The following HERC5 variants were observed in gnomAD, a reference collection of about 807,000 sequenced individuals.
The protein encoded by HERC5 is E3 ISG15--protein ligase HERC5.
Under a neutral mutation model 119.6 loss-of-function variants are expected in HERC5, and 99 were observed. That is an observed-to-expected ratio of 0.83 (90% confidence interval 0.70 to 0.98). The LOEUF (loss-of-function observed/expected upper bound fraction) is 0.98, where lower values mean the gene tolerates loss of function less well. HERC5 is among the 50% of genes least tolerant of loss of function. The pLI is 0.00. For missense variants in HERC5, 1,267 were observed against 1,241.3 expected (o/e 1.02, Z -0.31); for synonymous variants, 478 against 445.9 (o/e 1.07, Z -0.91).
chr4:88,498,976 A>G (rs1741876525), intron 18 of HERC5, among the ~76,000 whole-genome samples: 1 of 152,242 alleles, frequency 6.6e-6, no homozygotes, highest in Non-Finnish European at 1.5e-5. Flanking sequence ...CACAATGAAT[A>G]AAACATGGTC....
chr4:88,472,635 T>C (rs941003730), intron 11 of HERC5, 133 bp downstream of exon 11: 27 of 677,142 alleles, frequency 4.0e-5, no homozygotes, highest in Non-Finnish European at 6.3e-5. Flanking sequence ...TAAGTTAAAC[T>C]CAGATAACAT....
chr4:88,459,456 C>A lies in HERC5; in HGVS notation c.375C>A (p.Ser125Arg). 6.4e-7 allele frequency: 1 copy of A among 1,553,884 alleles called. No homozygotes were observed. Among genetic ancestry groups the A allele is most frequent in the Non-Finnish European group, 8.7e-7 (1 of 1,153,396 alleles). Residue 125 changes from serine to arginine, a missense_variant, in exon 2 of 23, where the codon AGC becomes AGA. Transcript: ENST00000264350. Reference protein sequence around the residue: ...DGKPFEYDNYSMKHLRFESIL... With the variant: ...DGKPFEYDNYRMKHLRFESIL... The stretch of plus-strand genomic sequence containing the variant: ...AACCATTTGAGTATGACAACTATAG[C>A]ATGAAACATCTAAGGTAGGGAACTT...
intron 3 of HERC5, 53 bp from the exon 4 acceptor site, chr4:88,462,082 T>C (rs756309773): frequency 1.4e-6 from 2 of 1,442,380 alleles, no homozygotes; most frequent in Non-Finnish European, 1.9e-6. Context: ...TTTAGGGTAA[T>C]GTCTGCTGCA....
chr4:88,498,158 G>A (rs1399448941), intron 18 of HERC5, among the ~76,000 whole-genome samples: 1 of 152,170 alleles, frequency 6.6e-6, no homozygotes, highest in Admixed American at 6.5e-5. Flanking sequence ...GGTCCAGGCA[G>A]AGAACTGGCA....
intron 4 of HERC5, among the ~76,000 whole-genome samples, chr4:88,462,739 A>C (rs1740492940): frequency 6.6e-6 from 1 of 152,230 alleles, no homozygotes; most frequent in Non-Finnish European, 1.5e-5. Flanking sequence ...TTGCACTTAA[A>C]GTCTGTTAGT....
At chr4:88,486,343 AC>A in intron 14 of HERC5, 115 bp downstream of exon 14, 1 of 597,310 alleles carries the variant, frequency 1.7e-6, no homozygotes, top group Non-Finnish European at 3.0e-6. Flanking sequence ...AAACATTAAG[AC>A]TCCTCAAAAT....
chr4:88,498,612 C>G (rs1014137743), intron 18 of HERC5, among the ~76,000 whole-genome samples: 3 of 152,072 alleles, frequency 2.0e-5, no homozygotes, highest in Admixed American at 6.6e-5. Flanking sequence ...ACTCTGTGGC[C>G]CAGGCTGGAG....
chr4:88,499,517 C>G (rs924854521), intron 18 of HERC5, among the ~76,000 whole-genome samples: 1 of 152,062 alleles, frequency 6.6e-6, no homozygotes, highest in African/African-American at 2.4e-5. Context: ...GTCCTTTGAC[C>G]CACCTCAGAG....
At chr4:88,458,461 G>A (rs916356702) in intron 1 of HERC5, among the ~76,000 whole-genome samples, 1 of 151,730 alleles carries the variant, frequency 6.6e-6, no homozygotes, top group African/African-American at 2.4e-5. Context: ...TAGGAGGGGA[G>A]CTAGATTTAT....
rs1256699530 is a variant in HERC5 at position 88,486,182 on chromosome 4, A to ATT, written c.1811_1812dup (p.Val605LeufsTer2). ...GTAGACGAACTCTTGCACCGTCTCA[A>ATT]TTTTTTTGTAGAAGTATGCAGAAGG... On this transcript the variant is annotated frameshift_variant, in exon 14 of 23. Coordinates refer to ENST00000264350, the MANE Select transcript of HERC5 (RefSeq NM_016323.4). LOFTEE classifies it high-confidence loss of function. 8 of 1,612,364 alleles carry ATT rather than the reference A, an allele frequency of 5.0e-6. No homozygotes were observed. The highest frequency in any genetic ancestry group is 2.7e-5 in the African/African-American group (2 of 74,862).
intron 11 of HERC5, chr4:88,473,341 T>G (rs1239867071): frequency 6.6e-6 from 1 of 152,112 alleles, no homozygotes; most frequent in Admixed American, 6.6e-5. Context: ...ACCCCATTTT[T>G]TAATCTCTCT....
At chr4:88,490,462 A>G (rs1741598954) in intron 16 of HERC5, among the ~76,000 whole-genome samples, 1 of 152,178 alleles carries the variant, frequency 6.6e-6, no homozygotes, top group African/African-American at 2.4e-5. Flanking sequence ...TAGTAAATGG[A>G]GTATTTTTTA....
At chr4:88,504,859 G>A (rs1184015399) in intron 22 of HERC5, among the ~76,000 whole-genome samples, 1 of 152,050 alleles carries the variant, frequency 6.6e-6, no homozygotes, top group Non-Finnish European at 1.5e-5. Flanking sequence ...TCTTTCTGTA[G>A]CCCTGTCATC....
At chr4:88,466,449 T>G (rs1420009378) in intron 6 of HERC5, among the ~76,000 whole-genome samples, 1 of 152,146 alleles carries the variant, frequency 6.6e-6, no homozygotes, top group Non-Finnish European at 1.5e-5. Flanking sequence ...AAACTTAATC[T>G]CCAGCACTGC....
chr4:88,496,983 C>G (rs897187145), intron 18 of HERC5, among the ~76,000 whole-genome samples: 3 of 152,112 alleles, frequency 2.0e-5, no homozygotes, highest in Admixed American at 6.5e-5. Context: ...TGAGAGGACA[C>G]AGAGGACACC....
rs1741046832 is a variant in HERC5 at position 88,475,862 on chromosome 4, A to G, written c.1414A>G (p.Asn472Asp). The G allele has an allele frequency of 1.2e-6, 2 of 1,613,872 alleles. No homozygotes were observed. The highest frequency in any genetic ancestry group is 2.7e-5 in the African/African-American group (2 of 74,912). ...TNMITTCLKD[N>D]LLKRLPFHSP... The stretch of plus-strand genomic sequence containing the variant: ...ACAGATAACCACCTGCCTCAAAGAT[A>G]ATCTGCTCAAAAGACTTCCATTTCA... Residue 472 changes from asparagine (N) to aspartate (D), a missense_variant, in exon 12 of 23, where the codon AAT becomes GAT. Physicochemically the swap from Asn to Asp is conservative, Grantham distance 23. Around this residue, in one of 3 missense-constraint regions of HERC5, gnomAD observed 777 missense variants for 758.0 expected, o/e 1.03. Transcript: ENST00000264350.
chr4:88,476,816 G>A (rs548484153), intron 12 of HERC5, among the ~76,000 whole-genome samples: 9 of 151,956 alleles, frequency 5.9e-5, no homozygotes, highest in African/African-American at 2.2e-4. Context: ...AGCTACTCGG[G>A]AGGCTGAGGC....
chr4:88,499,517 C>T (rs924854521), intron 18 of HERC5, among the ~76,000 whole-genome samples: 2 of 152,062 alleles, frequency 1.3e-5, no homozygotes, highest in African/African-American at 4.8e-5. Context: ...GTCCTTTGAC[C>T]CACCTCAGAG....
intron 6 of HERC5, among the ~76,000 whole-genome samples, chr4:88,465,348 C>T (rs1740623974): frequency 6.6e-6 from 1 of 152,286 alleles, no homozygotes; most frequent in South Asian, 2.1e-4. Flanking sequence ...AAACGTAGAG[C>T]AAAATTCAGA....
Sources: allele counts gnomAD v4.1 joint callset (sites outside exome capture counted in the v4.1 genomes callset), GRCh38; gene constraint gnomAD v4.1.1; regional missense constraint gnomAD v4.1.1; transcripts MANE v1.5; gene names NCBI Gene and HGNC (gene_info 2026-07-23, HGNC 2026-07-21).